Variants in WDR87 observed in about 807,000 individuals in gnomAD.
WDR87 encodes WD repeat-containing protein 87.
WDR87 carries 56 observed loss-of-function variants against 83.3 expected under a neutral mutation model. The observed-to-expected ratio is 0.67, with a 90% CI of 0.54 to 0.84. WDR87 has a LOEUF of 0.84. WDR87 is among the 40% of genes least tolerant of loss of function. The pLI, the probability that WDR87 is intolerant of heterozygous loss-of-function variation, is 0.00. For missense variants in WDR87, 2,939 were observed against 3,431.9 expected (o/e 0.86, Z 3.59); for synonymous variants, 1,173 against 1,250.6 (o/e 0.94, Z 1.31).
rs1346502280 is a variant in WDR87 at position 37,894,576 on chromosome 19, T to G, written c.1127A>C (p.Asn376Thr). ...AGTGGTACACAGGATCCGGAACCAG[T>G]TATTTCCACAGCAGACCCGACGCAA... is the stretch of plus-strand genomic sequence containing the variant. ...QQLRRVCCGN[N>T]WFRILCTTED... Residue 376 changes from asparagine (N) to threonine (T), a missense_variant, in exon 4 of 6, where the codon AAC becomes ACC. Transcript: ENST00000447313. 3.2e-6 allele frequency: 5 copies of G among 1,551,662 alleles called. No individual in the cohort carries two copies. The highest frequency in any genetic ancestry group is 4.4e-6 in the Non-Finnish European group (5 of 1,146,982).
intron 5 of WDR87, among the ~76,000 whole-genome samples, chr19:37,890,488 A>T (rs549658232): frequency 6.6e-6 from 1 of 151,766 alleles, no homozygotes; most frequent in East Asian, 1.9e-4. Flanking sequence ...AGTCTTCCTG[A>T]GTTTGAGTGG....
chr19:37,904,004 G>C (rs2046307900), intron 1 of WDR87, among the ~76,000 whole-genome samples: 1 of 151,910 alleles, frequency 6.6e-6, no homozygotes, highest in South Asian at 2.1e-4. Context: ...CGCCTCCCAG[G>C]TTCACGCCGT....
chr19:37,894,791 G>T lies in WDR87; in HGVS notation c.912C>A (p.Asp304Glu). Reference protein sequence around the residue: ...EAHTLLTAGSDSLIKEWNLTS... With the variant: ...EAHTLLTAGSESLIKEWNLTS... ...TCAGGTTCCACTCCTTGATTAGGCT[G>T]TCACTACCAGCTGTTAGCAGGGTGT... The change falls in exon 4 of 6, where the codon GAC becomes GAA. Residue 304 changes from aspartate to glutamate, a missense_variant. Asp to Glu is a conservative substitution (Grantham distance 45, BLOSUM62 2). Transcript: ENST00000447313. 6.4e-7 allele frequency: 1 copy of T among 1,551,758 alleles called. No individual in the cohort carries two copies. Among genetic ancestry groups the T allele is most frequent in the Non-Finnish European group, 8.7e-7 (1 of 1,147,010 alleles).
In WDR87 at chr19:37,893,337, G is replaced by C; in HGVS notation, c.2366C>G (p.Pro789Arg). The stretch of plus-strand genomic sequence containing the variant: ...CCAGCTAGTCAGTTGTAGCTGGGGA[G>C]GAAGCACATAATGGCATTGGTAACG... ...SKRYQCHYVL[P>R]PQLQLTSWDG... The change falls in exon 4 of 6, where the codon CCT becomes CGT. Residue 789 changes from proline (P) to arginine (R), a missense_variant. Pro to Arg is a moderately radical substitution (Grantham distance 103). This residue lies in a region of WDR87 where 2,160 missense variants were observed against 2,533.1 expected (regional missense o/e 0.85). Coordinates refer to ENST00000447313, the MANE Select transcript of WDR87 (RefSeq NM_001291088.2). 2.6e-6 allele frequency: 4 copies of C among 1,551,748 alleles called. No homozygotes were observed. The highest frequency in any genetic ancestry group is 3.5e-6 in the Non-Finnish European group (4 of 1,146,910).
Position 37,894,854 on chromosome 19 carries a change from T to A in WDR87, c.849A>T (p.Gln283His). Residue 283 changes from glutamine to histidine, a missense_variant, in exon 4 of 6, where the codon CAA becomes CAT. Coordinates refer to ENST00000447313, the MANE Select transcript of WDR87 (RefSeq NM_001291088.2). ...GGCTGCGGATACAGATCACTCCTGA[T>A]TGATGGGCCTGGAAACTGTGGAGTG... The part of the protein sequence containing the change: ...GHPLHSFQAH[Q>H]SGVICIRSRP... The A allele has an allele frequency of 5.8e-6, 9 of 1,551,750 alleles. No individual in the cohort carries two copies. Among genetic ancestry groups the A allele is most frequent in the Non-Finnish European group, 7.8e-6 (9 of 1,147,012 alleles).
chr19:37,889,729 C>T lies in WDR87; in HGVS notation c.3942G>A (p.Glu1314=). 6.4e-7 allele frequency: 1 copy of T among 1,551,746 alleles called. No individual in the cohort carries two copies. The highest frequency in any genetic ancestry group is 1.4e-5 in the African/African-American group (1 of 73,174). Residue 1314 remains glutamate (E), a synonymous_variant, in exon 6 of 6, where the codon GAG becomes GAA. Transcript: ENST00000447313. ...LNAELVTFAQ[E]MLVDRHPSWE... ...AGCTGGGGTGCCTATCTACCAGCAT[C>T]TCCTGAGCAAATGTCACTAGCTCAG...
At position 37,889,201 on chromosome 19, in the gene WDR87, A is replaced by G. The variant is rs1226907746; in HGVS notation, c.4470T>C (p.Ile1490=). The change falls in exon 6 of 6, where the codon ATT becomes ATC. Residue 1490 remains isoleucine, a synonymous_variant. Transcript: ENST00000447313. ...VVKQEGKLVM[I]ERTPSWQDWK... The stretch of plus-strand genomic sequence containing the variant: ...AGTCCTGCCAAGATGGTGTCCTCTC[A>G]ATCATAACCAGTTTTCCTTCTTGTT... 1 of 1,551,948 alleles carries G rather than the reference A, an allele frequency of 6.4e-7. No homozygotes were observed.
intron 1 of WDR87, among the ~76,000 whole-genome samples, chr19:37,903,734 T>C (rs948907385): frequency 1.3e-5 from 2 of 152,070 alleles, no homozygotes; most frequent in African/African-American, 4.8e-5. Flanking sequence ...TTCACCATGT[T>C]GCCCAGGCTG....
At position 37,888,382 on chromosome 19, in the gene WDR87, G is replaced by A. The variant is rs1168357267; in HGVS notation, c.5289C>T (p.Asp1763=). The A allele has an allele frequency of 6.4e-7, 1 of 1,551,416 alleles. No homozygotes were observed. The highest frequency in any genetic ancestry group is 8.7e-7 in the Non-Finnish European group (1 of 1,147,008). Residue 1763 remains aspartate (D), a synonymous_variant, in exon 6 of 6, where the codon GAC becomes GAT. Coordinates refer to ENST00000447313, the MANE Select transcript of WDR87 (RefSeq NM_001291088.2). ...LAQELEELEW[D]MEELSWKEEE... is the part of the protein sequence containing the mutation. ...CTTCTTTCCAAGACAGTTCTTCCAT[G>A]TCCCATTCCAGTTCCTCCAATTCCT...
Position 37,887,694 on chromosome 19 carries a change from ACTCTC to A in WDR87, c.5972_5976del (p.Gly1991ValfsTer5). 1 of 1,550,868 alleles carries A rather than the reference ACTCTC, an allele frequency of 6.4e-7. No homozygotes were observed. The highest frequency in any genetic ancestry group is 8.7e-7 in the Non-Finnish European group (1 of 1,146,744). On this transcript the variant is annotated frameshift_variant, in exon 6 of 6. Coordinates refer to ENST00000447313, the MANE Select transcript of WDR87 (RefSeq NM_001291088.2). LOFTEE classifies it low-confidence loss of function (END_TRUNC). Reference sequence around the variant, plus strand: ...GCCTTTTCTTCCTTAGCAATATCCAACTCTCCTCTGAGCCGTTTCTTTCCTTGGAC... The same window carrying A: ...GCCTTTTCTTCCTTAGCAATATCCAACTCTGAGCCGTTTCTTTCCTTGGAC...
At position 37,887,434 on chromosome 19, in the gene WDR87, T is replaced by C; in HGVS notation, c.6237A>G (p.Arg2079=). 1 of 1,551,632 alleles carries C rather than the reference T, an allele frequency of 6.4e-7. No homozygotes were observed. The highest frequency in any genetic ancestry group is 8.7e-7 in the Non-Finnish European group (1 of 1,146,948). Residue 2079 remains arginine (R), a synonymous_variant, in exon 6 of 6, where the codon AGA becomes AGG. Transcript: ENST00000447313. The stretch of plus-strand genomic sequence containing the variant: ...GCCCCTGGACAAATATTCTCTGTCC[T>C]CTAGTAAATTCCAGTTTTCCTTTGG... The part of the protein sequence containing the change: ...EIAKGKLEFT[R]GQRIFVQGQR...
Position 37,892,658 on chromosome 19 carries a change from G to A in WDR87, c.3045C>T (p.Ser1015=). 2 of 1,551,506 alleles carry A rather than the reference G, an allele frequency of 1.3e-6. No individual in the cohort carries two copies. The highest frequency in any genetic ancestry group is 1.7e-6 in the Non-Finnish European group (2 of 1,146,788). The part of the protein sequence containing the change: ...KDERVRIKTL[S]LMAEIGIHSR... ...AGTGGATTCCAATCTCAGCCATGAG[G>A]CTTAGGGTCTTGATCCTCACTCTTT... Residue 1015 remains serine, a synonymous_variant, in exon 4 of 6, where the codon AGC becomes AGT. Transcript: ENST00000447313.
At chr19:37,895,855 G>A (rs2046251522) in intron 3 of WDR87, among the ~76,000 whole-genome samples, 2 of 152,062 alleles carry the variant, frequency 1.3e-5, no homozygotes, top group Non-Finnish European at 2.9e-5. Flanking sequence ...TTATGTTAAG[G>A]AGGAATTGGA....
chr19:37,902,022 GTTTATTTATTTA>G (rs10618499), intron 1 of WDR87, among the ~76,000 whole-genome samples: 43 of 145,182 alleles, frequency 3.0e-4, no homozygotes, highest in African/African-American at 5.9e-4. Flanking sequence ...GGCCCTCTAT[GTTTATTTATTTA>G]TTTATTTATT....
rs2046220390 is a variant in WDR87, at chr19:37,893,053, C to T, written c.2650G>A (p.Glu884Lys). Residue 884 changes from glutamate (E) to lysine (K), a missense_variant, in exon 4 of 6, where the codon GAA becomes AAA. Physicochemically the swap from Glu to Lys is moderately conservative, Grantham distance 56. Coordinates refer to ENST00000447313, the MANE Select transcript of WDR87 (RefSeq NM_001291088.2). ...TEYPKNKEED[E>K]HFLEMRLSKD... is the part of the protein sequence containing the mutation. ...GAAAGTCTCATTTCTAGGAAGTGTT[C>T]ATCCTCCTCCTTATTCTTTGGATAT... is the stretch of plus-strand genomic sequence containing the variant. 6.4e-7 allele frequency: 1 copy of T among 1,551,654 alleles called. No homozygotes were observed. The highest frequency in any genetic ancestry group is 2.0e-5 in the Admixed American group (1 of 50,990).
chr19:37,898,596 C>A (rs1006167915), intron 1 of WDR87, among the ~76,000 whole-genome samples: 3 of 152,194 alleles, frequency 2.0e-5, no homozygotes, highest in African/African-American at 7.2e-5. Context: ...GAAAGAATAC[C>A]CTCACAGGCA....
At chr19:37,905,151 GA>G (rs2046316425) in intron 1 of WDR87, among the ~76,000 whole-genome samples, 1 of 150,592 alleles carries the variant, frequency 6.6e-6, no homozygotes, top group African/African-American at 2.4e-5. Context: ...AGAGTCACTT[GA>G]ACCAGGGAGT....
chr19:37,904,421 C>T (rs1233326446), intron 1 of WDR87, among the ~76,000 whole-genome samples: 3 of 150,554 alleles, frequency 2.0e-5, no homozygotes, highest in East Asian at 3.9e-4. Context: ...TGCAGTGGCG[C>T]GATCTTGGCT....
In WDR87 at chr19:37,886,681, TTTC is replaced by T. The variant is rs373442328; in HGVS notation, c.6987_6989del (p.Lys2331del). The T allele has an allele frequency of 1.4e-3, 2,083 of 1,473,100 alleles. 13 individuals are homozygous for T. In the African/African-American group the frequency reaches 0.02, roughly 14 times the overall value. 91.3% of individuals were successfully genotyped at this position (1,473,100 alleles called of 1,614,324 possible). A position where few individuals can be genotyped will look rare whatever the true frequency, so the allele number is the denominator to read the frequency against. On this transcript the variant is annotated inframe_deletion, in exon 6 of 6. Coordinates refer to ENST00000447313, the MANE Select transcript of WDR87 (RefSeq NM_001291088.2). ...GAACCTCCTCCTTCTTCTTTTCCTT[TTTC>T]TTCTTCTTCTTCTCCTCCTCTTCTT...
Sources: gnomAD v4.1 joint callset for allele counts (sites outside exome capture counted in the v4.1 genomes callset) on GRCh38, gnomAD v4.1.1 for gene constraint, gnomAD v4.1.1 regional missense constraint, MANE v1.5 for transcripts, NCBI Gene and HGNC (gene_info 2026-07-23, HGNC 2026-07-21) for gene names.